The following SLC2A9 variants were observed in gnomAD, a reference collection of about 807,000 sequenced individuals.
The protein encoded by SLC2A9 is solute carrier family 2 member 9, also known as solute carrier family 2, facilitated glucose transporter member 9.
SLC2A9 carries 39 observed loss-of-function variants against 50.6 expected under a neutral mutation model. The ratio of observed to expected loss-of-function variants is 0.77; its 90% CI spans 0.60 to 1.01. The LOEUF is 1.01. SLC2A9 is among the 50% of genes least tolerant of loss of function. SLC2A9 has a pLI of 0.00. For synonymous variants in SLC2A9, 324 were observed against 276.9 expected (o/e 1.17, Z -1.69); for missense variants, 686 against 677.6 (o/e 1.01, Z -0.14).
At chr4:9,863,232 G>T (rs892637653) in intron 10 of SLC2A9, among the ~76,000 whole-genome samples, 1 of 151,888 alleles carries the variant, frequency 6.6e-6, no homozygotes, top group African/African-American at 2.4e-5. Context: ...CTCTAACCTC[G>T]ATCTCCTGGG....
At chr4:9,831,659 G>C (rs1726169477) in intron 11 of SLC2A9, among the ~76,000 whole-genome samples, 1 of 152,200 alleles carries the variant, frequency 6.6e-6, no homozygotes, top group African/African-American at 2.4e-5. Context: ...GGAAAGAGGG[G>C]AGCCAGGACA....
chr4:9,780,895 G>A (rs1175283930), intron 3 of SLC2A9, among the ~76,000 whole-genome samples: 1 of 152,146 alleles, frequency 6.6e-6, no homozygotes, highest in Non-Finnish European at 1.5e-5. Context: ...GGCTGTAAAA[G>A]TGCCCTGCAA....
chr4:10,021,280 C>G lies in SLC2A9; in HGVS notation c.150G>C (p.Lys50Asn). 1 of 1,613,482 alleles carries G rather than the reference C, an allele frequency of 6.2e-7. No homozygotes were observed. Among genetic ancestry groups the G allele is most frequent in the South Asian group, 1.1e-5 (1 of 91,040 alleles). ...RSGVPGGRRR[K>N]DWSCSLLVAS... is the part of the protein sequence containing the mutation. ...ATGCAGAAAAGCTGTCCGTAGTTACCTTTCTTCTCCTTCCACCTGGCACCC... is the reference window on the plus strand; with the variant it reads ...ATGCAGAAAAGCTGTCCGTAGTTACGTTTCTTCTCCTTCCACCTGGCACCC... Residue 50 changes from lysine (K) to asparagine (N), a missense_variant and splice_region_variant, in exon 1 of 12, where the codon AAG (lysine) becomes AAC (asparagine). Transcript: ENST00000264784.
At chr4:9,892,460 C>T (rs534657286) in intron 8 of SLC2A9, among the ~76,000 whole-genome samples, 1 of 152,224 alleles carries the variant, frequency 6.6e-6, no homozygotes, top group South Asian at 2.1e-4. Context: ...GAAACCTGGC[C>T]CAGTGGAACA....
At chr4:9,783,209 A>T (rs760379596) in intron 3 of SLC2A9, 10 of 1,614,070 alleles carry the variant, frequency 6.2e-6, no homozygotes, top group Non-Finnish European at 8.5e-6. Flanking sequence ...CAATGAGCTC[A>T]TCTCCTACAA....
chr4:9,943,698 C>A (rs569459020), intron 5 of SLC2A9, among the ~76,000 whole-genome samples: 100 of 152,224 alleles, frequency 6.6e-4, no homozygotes, highest in Non-Finnish European at 1.1e-3. Flanking sequence ...GAAGAAAAAA[C>A]CCCAACATAC....
At chr4:9,912,859 T>C (rs1056197326) in intron 7 of SLC2A9, among the ~76,000 whole-genome samples, 1 of 152,222 alleles carries the variant, frequency 6.6e-6, no homozygotes, top group Non-Finnish European at 1.5e-5. Flanking sequence ...TCCTGGATTA[T>C]CTGGGTGAGC....
intron 5 of SLC2A9, among the ~76,000 whole-genome samples, chr4:9,974,684 C>T (rs554691238): frequency 1.3e-5 from 2 of 152,218 alleles, no homozygotes; most frequent in South Asian, 2.1e-4. Context: ...CTGCCCAAAG[C>T]AATCTACAGA....
intron 10 of SLC2A9, among the ~76,000 whole-genome samples, chr4:9,861,776 C>T (rs1372713885): frequency 6.6e-6 from 1 of 152,036 alleles, no homozygotes; most frequent in Non-Finnish European, 1.5e-5. Flanking sequence ...TTCATCTTTG[C>T]ATCCCCTGGG....
At chr4:9,821,435 C>T (rs530443258), downstream of SLC2A9, among the ~76,000 whole-genome samples, 3 of 151,790 alleles carry the variant, frequency 2.0e-5, no homozygotes, top group Admixed American at 6.6e-5. Flanking sequence ...TTCATAAGTG[C>T]GAATTGAACA....
chr4:9,806,301 G>T (rs148610844), intron 3 of SLC2A9, among the ~76,000 whole-genome samples: 1 of 152,234 alleles, frequency 6.6e-6, no homozygotes, highest in East Asian at 1.9e-4. Flanking sequence ...CGCTTAAGGC[G>T]TTCTTAAACA....
intron 3 of SLC2A9, among the ~76,000 whole-genome samples, chr4:9,817,094 G>T (rs1048335322): frequency 6.6e-6 from 1 of 151,996 alleles, no homozygotes; most frequent in Non-Finnish European, 1.5e-5. Context: ...TCTTCTTCTA[G>T]TATCACTTCC....
intron 3 of SLC2A9, among the ~76,000 whole-genome samples, chr4:9,793,859 A>G (rs767005847): frequency 1.3e-5 from 2 of 152,204 alleles, no homozygotes; most frequent in Non-Finnish European, 2.9e-5. Flanking sequence ...CTAAAACAAA[A>G]TCAATAATTT....
chr4:9,936,217 G>A (rs183424776), intron 6 of SLC2A9, among the ~76,000 whole-genome samples: 6 of 152,280 alleles, frequency 3.9e-5, no homozygotes, highest in South Asian at 2.1e-4. Context: ...GAATCCTTAC[G>A]AACAGGATTC....
chr4:9,925,633 C>T (rs760903240), intron 6 of SLC2A9, among the ~76,000 whole-genome samples: 25 of 152,200 alleles, frequency 1.6e-4, no homozygotes, highest in Non-Finnish European at 1.6e-4. Flanking sequence ...AGTGTTGGCA[C>T]ATAATTTGTG....
At chr4:9,872,605 A>G (rs1282955656) in intron 10 of SLC2A9, among the ~76,000 whole-genome samples, 1 of 152,236 alleles carries the variant, frequency 6.6e-6, no homozygotes, top group African/African-American at 2.4e-5. Flanking sequence ...TGGATTTGGA[A>G]AGGGAAAGAT....
chr4:9,862,262 C>A (rs1387701331), intron 10 of SLC2A9, among the ~76,000 whole-genome samples: 1 of 152,018 alleles, frequency 6.6e-6, no homozygotes, highest in Non-Finnish European at 1.5e-5. Flanking sequence ...CCTACATGAA[C>A]CAGTTTCCCT....
At position 9,785,962 on chromosome 4, in the gene SLC2A9, A is replaced by G. The variant is rs143566701; in HGVS notation, n.386-5897T>C. Reference sequence around the variant, plus strand: ...ACTTTCCAAAGAGCTGCATGAAGAGAGACCTTGACGAAGTAAGGGTTGGAG... The same window carrying G: ...ACTTTCCAAAGAGCTGCATGAAGAGGGACCTTGACGAAGTAAGGGTTGGAG... On this transcript the variant is annotated intron_variant and non_coding_transcript_variant, in intron 3 of 3. Coordinates refer to the SLC2A9 transcript ENST00000503803. Among the ~76,000 whole-genome samples, 433 of 152,300 alleles carry G rather than the reference A, an allele frequency of 2.8e-3. 5 individuals are homozygous for G. Among genetic ancestry groups the G allele is most frequent in the African/African-American group, 1.0e-2 (414 of 41,572 alleles).
chr4:9,826,702 CAATACTCCTAGACA>C, intron 11 of SLC2A9, 102 bp from the exon 12 acceptor site: 1 of 1,060,526 alleles, frequency 9.4e-7, no homozygotes, highest in Non-Finnish European at 1.4e-6. Flanking sequence ...ATTCATATAC[CAATACTCCTAGACA>C]AAACACCATG....
Sources: allele counts gnomAD v4.1 joint callset (sites outside exome capture counted in the v4.1 genomes callset), GRCh38; gene constraint gnomAD v4.1.1; transcripts MANE v1.5; gene names NCBI Gene and HGNC (gene_info 2026-07-23, HGNC 2026-07-21).